Variants in UNC13C observed in about 807,000 individuals in gnomAD.
The protein encoded by UNC13C is unc-13 homolog C, also known as protein unc-13 homolog C.
Under a neutral mutation model 245.4 loss-of-function variants are expected in UNC13C, and 174 were observed. The ratio of observed to expected loss-of-function variants is 0.71; its 90% CI spans 0.63 to 0.80. UNC13C has a LOEUF of 0.80. UNC13C is among the 30% of genes least tolerant of loss of function. UNC13C has a pLI of 0.00. For synonymous variants in UNC13C, 992 were observed against 895.1 expected (o/e 1.11, Z -1.93); for missense variants, 2,829 against 2,602.9 (o/e 1.09, Z -1.89).
intron 19 of UNC13C, among the ~76,000 whole-genome samples, chr15:54,450,142 G>A (rs750085549): frequency 2.0e-5 from 3 of 152,156 alleles, no homozygotes; most frequent in Admixed American, 6.5e-5. Context: ...TTTCGTCTCA[G>A]AGGGCTACCC....
intron 25 of UNC13C, among the ~76,000 whole-genome samples, chr15:54,527,709 C>G (rs993987246): frequency 1.3e-5 from 2 of 152,134 alleles, no homozygotes. Context: ...ACAGTAAAAC[C>G]TGCGGCTACC....
At chr15:54,024,902 G>T (rs1443664735) in intron 2 of UNC13C, among the ~76,000 whole-genome samples, 2 of 151,396 alleles carry the variant, frequency 1.3e-5, no homozygotes, top group Non-Finnish European at 2.9e-5. Flanking sequence ...GCGTCAGAGA[G>T]AAACTCCGTC....
the UNC13C span, among the ~76,000 whole-genome samples, chr15:53,858,626 G>T: frequency 6.6e-6 from 1 of 151,730 alleles, no homozygotes; most frequent in Non-Finnish European, 1.5e-5. Flanking sequence ...TCACCGTGTT[G>T]GTCAGGCTGG....
At chr15:53,873,964 C>T in the UNC13C span, among the ~76,000 whole-genome samples, 1 of 111,108 alleles carries the variant, frequency 9.0e-6, no homozygotes, top group African/African-American at 3.4e-5. Flanking sequence ...TCCTTCCTTC[C>T]TTCCTTCCTG....
chr15:54,568,235 C>T (rs1486215970), intron 30 of UNC13C, among the ~76,000 whole-genome samples: 1 of 151,968 alleles, frequency 6.6e-6, no homozygotes, highest in Non-Finnish European at 1.5e-5. Context: ...GTAAAATCTA[C>T]TTTTTAATAT....
chr15:54,006,545 C>T (rs77368862), intron 1 of UNC13C, among the ~76,000 whole-genome samples: 4,475 of 152,270 alleles, frequency 0.029, 197 homozygotes, highest in East Asian at 0.24. Context: ...TGTGTTCCAG[C>T]AATTCTCACT....
intron 4 of UNC13C, among the ~76,000 whole-genome samples, chr15:54,205,299 C>T (rs1378688733): frequency 6.6e-6 from 1 of 151,952 alleles, no homozygotes; most frequent in Non-Finnish European, 1.5e-5. Flanking sequence ...AAGAGAACCA[C>T]TGATTTTCTA....
chr15:53,906,387 A>G, the UNC13C span, among the ~76,000 whole-genome samples: 3 of 152,230 alleles, frequency 2.0e-5, no homozygotes, highest in Admixed American at 1.3e-4. Flanking sequence ...GCAATCCAAC[A>G]TGGACTATTT....
chr15:54,543,116 T>A (rs780365307), intron 26 of UNC13C, among the ~76,000 whole-genome samples: 2 of 152,188 alleles, frequency 1.3e-5, no homozygotes, highest in Non-Finnish European at 2.9e-5. Context: ...GAATTTGGCA[T>A]GTTTTTGCAG....
chr15:53,906,808 C>G, the UNC13C span, among the ~76,000 whole-genome samples: 19 of 152,260 alleles, frequency 1.2e-4, no homozygotes, highest in African/African-American at 4.3e-4. Context: ...GGGAGGTCCT[C>G]AAGAAACTTA....
chr15:54,311,264 TA>T (rs1417491676), intron 13 of UNC13C, among the ~76,000 whole-genome samples: 1 of 151,814 alleles, frequency 6.6e-6, no homozygotes, highest in Non-Finnish European at 1.5e-5. Context: ...AAGTTAATTT[TA>T]ATGTAAGTTC....
At chr15:54,179,251 T>C (rs2033717581) in intron 4 of UNC13C, among the ~76,000 whole-genome samples, 1 of 152,092 alleles carries the variant, frequency 6.6e-6, no homozygotes, top group South Asian at 2.1e-4. Flanking sequence ...TAAAAAATTA[T>C]TGAAAATGTG....
intron 1 of UNC13C, among the ~76,000 whole-genome samples, chr15:53,979,294 T>A (rs1409982180): frequency 7.7e-6 from 1 of 130,638 alleles, no homozygotes; most frequent in East Asian, 3.2e-4. Context: ...AGAACAAAAG[T>A]TGAGGGCTTC....
chr15:53,880,977 T>A, the UNC13C span, among the ~76,000 whole-genome samples: 9 of 152,080 alleles, frequency 5.9e-5, no homozygotes, highest in Non-Finnish European at 1.5e-5. Context: ...TTGGAGGGAA[T>A]AAAATATAAG....
At chr15:54,241,402 C>G (rs1185427253) in intron 7 of UNC13C, among the ~76,000 whole-genome samples, 13 of 152,132 alleles carry the variant, frequency 8.5e-5, no homozygotes. Flanking sequence ...CAGAACACCT[C>G]TCTGAGACTT....
In UNC13C at chr15:54,013,688, A is replaced by T; in HGVS notation, c.785A>T (p.Glu262Val). 6.2e-7 allele frequency: 1 copy of T among 1,613,770 alleles called. No homozygotes were observed. The highest frequency in any genetic ancestry group is 2.2e-5 in the East Asian group (1 of 44,856). ...GISQIETELS[E>V]LRGHVNALKH... is the part of the protein sequence containing the mutation. ...AGTCAGATTGAAACAGAACTTTCTG[A>T]ACTACGAGGGCACGTCAATGCTCTC... Residue 262 changes from glutamate (E) to valine (V), a missense_variant, in exon 2 of 33, where the codon GAA becomes GTA. Coordinates refer to ENST00000260323, the MANE Select transcript of UNC13C (RefSeq NM_001080534.3).
chr15:54,067,969 T>C (rs1294095539), intron 2 of UNC13C, among the ~76,000 whole-genome samples: 1 of 152,148 alleles, frequency 6.6e-6, no homozygotes, highest in East Asian at 1.9e-4. Flanking sequence ...AAACAACAAA[T>C]AACTTACACT....
At chr15:54,237,863 C>A (rs995484021) in intron 7 of UNC13C, among the ~76,000 whole-genome samples, 173 bp downstream of exon 7, 1 of 152,170 alleles carries the variant, frequency 6.6e-6, no homozygotes, top group African/African-American at 2.4e-5. Flanking sequence ...CTCAGCCAAT[C>A]ATTGTCTTCT....
the UNC13C span, among the ~76,000 whole-genome samples, chr15:53,902,436 C>T: frequency 6.6e-6 from 1 of 152,078 alleles, no homozygotes; most frequent in Non-Finnish European, 1.5e-5. Context: ...AAAGGAATAA[C>T]CTATCAGTTA....
Sources: allele counts gnomAD v4.1 joint callset (sites outside exome capture counted in the v4.1 genomes callset), GRCh38; gene constraint gnomAD v4.1.1; transcripts MANE v1.5; gene names NCBI Gene and HGNC (gene_info 2026-07-23, HGNC 2026-07-21).